The following PAMR1 variants were observed in gnomAD, a reference collection of about 807,000 sequenced individuals.
PAMR1 encodes the protein inactive serine protease PAMR1.
PAMR1 carries 88 observed loss-of-function variants against 81.8 expected under a neutral mutation model. The ratio of observed to expected loss-of-function variants is 1.08; its 90% CI spans 0.91 to 1.28. The LOEUF is 1.28. Ranked by LOEUF, PAMR1 falls within the 50% of genes most tolerant of loss-of-function variation. PAMR1 has a pLI of 0.00. For missense variants in PAMR1, 935 were observed against 919.7 expected (o/e 1.02, Z -0.21); for synonymous variants, 336 against 345.3 (o/e 0.97, Z 0.30).
chr11:35,482,135 C>T (rs1247853564), intron 3 of PAMR1, among the ~76,000 whole-genome samples: 2 of 152,110 alleles, frequency 1.3e-5, no homozygotes, highest in Non-Finnish European at 2.9e-5. Context: ...AATGGTGTTG[C>T]CTATGTTTTC....
intron 6 of PAMR1, among the ~76,000 whole-genome samples, chr11:35,460,107 C>A (rs1383451113): frequency 6.6e-6 from 1 of 152,232 alleles, no homozygotes; most frequent in Admixed American, 6.5e-5. Context: ...TTTTCTGACA[C>A]AGGAGGAGGG....
Position 35,468,339 on chromosome 11 carries a change from TA to T in PAMR1, c.713-232del, listed in dbSNP as rs145133685. On this transcript the variant is annotated intron_variant, in intron 5 of 10. Transcript: ENST00000619888. ...TTTTTGAGGGCCCCAGAAGTATGCTTAACGCTCCTATAGTCTGAAGACCACA... is the reference window on the plus strand; with the variant it reads ...TTTTTGAGGGCCCCAGAAGTATGCTTACGCTCCTATAGTCTGAAGACCACA... 3.8e-3 allele frequency among the ~76,000 whole-genome samples: 577 copies of T among 152,334 alleles called. 3 individuals are homozygous for T. The highest frequency in any genetic ancestry group is 0.013 in the African/African-American group (539 of 41,558).
chr11:35,504,025 T>G (rs1483359821), intron 1 of PAMR1, among the ~76,000 whole-genome samples: 1 of 152,150 alleles, frequency 6.6e-6, no homozygotes, highest in African/African-American at 2.4e-5. Flanking sequence ...CATATGGCCT[T>G]TATTATTTTG....
intron 5 of PAMR1, among the ~76,000 whole-genome samples, chr11:35,468,794 T>C (rs1565339605): frequency 6.6e-6 from 1 of 152,250 alleles, no homozygotes; most frequent in Non-Finnish European, 1.5e-5. Flanking sequence ...TTACAAGGCA[T>C]CCTGGGGACT....
chr11:35,432,241 CT>C lies in PAMR1; in HGVS notation c.*114del. The C allele has an allele frequency of 5.0e-6, 5 of 992,954 alleles. No homozygotes were observed. The highest frequency in any genetic ancestry group is 6.0e-6 in the Non-Finnish European group (4 of 669,396). The allele number at this position is 992,954 out of a possible 1,614,324, so 61.5% of individuals were successfully genotyped here. ...AGTTTTGTCCCTGAAGTCAGAAGCC[CT>C]GGCACAGCCAAGTTCACAGGCCAAA... On this transcript the variant is annotated 3_prime_UTR_variant, in exon 11 of 11. Coordinates refer to ENST00000619888, the MANE Select transcript of PAMR1 (RefSeq NM_001001991.3).
Position 35,474,380 on chromosome 11 carries a change from C to T in PAMR1, c.494+250G>A, listed in dbSNP as rs115547937. ...TTAAGATTTGCGGATGGGTAGATTG[C>T]TCTCAGTATTTTGCTTTGTTGACGT... On this transcript the variant is annotated intron_variant, in intron 4 of 10. Coordinates refer to ENST00000619888, the MANE Select transcript of PAMR1 (RefSeq NM_001001991.3). 1.8e-3 allele frequency among the ~76,000 whole-genome samples: 278 copies of T among 152,336 alleles called. 2 individuals are homozygous for T. The highest frequency in any genetic ancestry group is 6.4e-3 in the African/African-American group (267 of 41,578).
At chr11:35,470,348 G>T (rs563489521) in intron 5 of PAMR1, among the ~76,000 whole-genome samples, 1 of 152,316 alleles carries the variant, frequency 6.6e-6, no homozygotes, top group East Asian at 1.9e-4. Context: ...GTGTGACCTT[G>T]GACAAGTCAT....
At chr11:35,460,176 T>C (rs1856622431) in intron 6 of PAMR1, among the ~76,000 whole-genome samples, 1 of 152,228 alleles carries the variant, frequency 6.6e-6, no homozygotes, top group Non-Finnish European at 1.5e-5. Flanking sequence ...ACAAGGCAGA[T>C]ACCTTTAAGG....
intron 1 of PAMR1, among the ~76,000 whole-genome samples, chr11:35,505,727 C>T (rs1009688102): frequency 1.3e-5 from 2 of 152,112 alleles, no homozygotes; most frequent in African/African-American, 4.8e-5. Context: ...CATCCCTTCA[C>T]ATTCAGTCTG....
chr11:35,497,872 T>C (rs1850756860), intron 1 of PAMR1, among the ~76,000 whole-genome samples: 1 of 152,228 alleles, frequency 6.6e-6, no homozygotes, highest in Non-Finnish European at 1.5e-5. Flanking sequence ...TTTATATATA[T>C]AGCTTCTTTT....
At chr11:35,499,915 GC>G (rs770414996) in intron 1 of PAMR1, among the ~76,000 whole-genome samples, 1 of 152,158 alleles carries the variant, frequency 6.6e-6, no homozygotes, top group East Asian at 1.9e-4. Context: ...TAATCACAAG[GC>G]CCCCCGTAAG....
At chr11:35,473,232 T>C (rs1358238997) in intron 4 of PAMR1, among the ~76,000 whole-genome samples, 1 of 152,172 alleles carries the variant, frequency 6.6e-6, no homozygotes, top group East Asian at 1.9e-4. Context: ...ATTATTACTG[T>C]CCCTGGCCAG....
At chr11:35,478,691 G>T (rs1283956394) in intron 3 of PAMR1, among the ~76,000 whole-genome samples, 1 of 152,214 alleles carries the variant, frequency 6.6e-6, no homozygotes, top group Non-Finnish European at 1.5e-5. Flanking sequence ...ACACAGCTGA[G>T]TGTCCCTGCC....
intron 1 of PAMR1, among the ~76,000 whole-genome samples, chr11:35,503,970 C>A (rs1314947380): frequency 6.6e-6 from 1 of 152,004 alleles, no homozygotes; most frequent in Non-Finnish European, 1.5e-5. Flanking sequence ...GGAAACCTTT[C>A]CATTTTTTTC....
intron 1 of PAMR1, among the ~76,000 whole-genome samples, chr11:35,520,939 C>G (rs755836976): frequency 6.6e-6 from 1 of 152,128 alleles, no homozygotes; most frequent in Non-Finnish European, 1.5e-5. Flanking sequence ...CCAGTATAAC[C>G]CAGATGTGGA....
At chr11:35,449,826 C>A (rs571875739) in intron 6 of PAMR1, among the ~76,000 whole-genome samples, 7 of 152,288 alleles carry the variant, frequency 4.6e-5, no homozygotes, top group Admixed American at 1.3e-4. Flanking sequence ...CTAACTGCCT[C>A]CTTTGGCTGG....
chr11:35,444,362 G>A (rs189325080), intron 6 of PAMR1, among the ~76,000 whole-genome samples: 32 of 152,236 alleles, frequency 2.1e-4, no homozygotes, highest in Middle Eastern at 3.4e-3. Flanking sequence ...GATCCAGTTC[G>A]TCAATTTTTG....
intron 1 of PAMR1, among the ~76,000 whole-genome samples, chr11:35,506,145 A>G (rs760802098): frequency 6.6e-6 from 1 of 151,178 alleles, no homozygotes; most frequent in East Asian, 1.9e-4. Flanking sequence ...GAAAGAAAAC[A>G]GCTTTTAAAA....
chr11:35,516,949 G>A lies in PAMR1; in HGVS notation c.73+8564C>T, dbSNP rs188867446. Among the ~76,000 whole-genome samples the A allele has an allele frequency of 7.1e-3, 1,078 of 152,234 alleles. 4 individuals are homozygous for A. Among genetic ancestry groups the A allele is most frequent in the Non-Finnish European group, 0.013 (864 of 67,988 alleles). ...TTAGAGAAGCCTCTGTGAGAGGGGGGAAGGGGAAAAAAGAGGTGGGAGAAG... is the reference window on the plus strand; with the variant it reads ...TTAGAGAAGCCTCTGTGAGAGGGGGAAAGGGGAAAAAAGAGGTGGGAGAAG... On this transcript the variant is annotated intron_variant, in intron 1 of 10. Transcript: ENST00000619888.
Sources: gnomAD v4.1 joint callset for allele counts (sites outside exome capture counted in the v4.1 genomes callset) on GRCh38, gnomAD v4.1.1 for gene constraint, MANE v1.5 for transcripts, NCBI Gene and HGNC (gene_info 2026-07-23, HGNC 2026-07-21) for gene names.